TASP1: variants seen among roughly 807,000 people sequenced by gnomAD.
The protein encoded by TASP1 is threonine aspartase 1.
Under a neutral mutation model 56.6 loss-of-function variants are expected in TASP1, and 16 were observed. The observed-to-expected ratio is 0.28, with a 90% confidence interval of 0.19 to 0.43. The LOEUF (loss-of-function observed/expected upper bound fraction) is 0.43. TASP1 is among the 20% of genes least tolerant of loss of function. The pLI is 1.00. For synonymous variants in TASP1, 179 were observed against 184.2 expected, an observed-to-expected ratio of 0.97 and a Z score of 0.23; for missense variants, 393 against 511.6, an observed-to-expected ratio of 0.77 and a Z score of 2.24.
At chr20:13,264,492 C>T in the TASP1 span, among the ~76,000 whole-genome samples, 2 of 152,172 alleles carry the variant, frequency 1.3e-5, no homozygotes, top group African/African-American at 4.8e-5. Context: ...GCTTTATCTT[C>T]CTCCTATTGT....
At chr20:13,498,566 C>T (rs1433348992) in intron 10 of TASP1, among the ~76,000 whole-genome samples, 1 of 151,962 alleles carries the variant, frequency 6.6e-6, no homozygotes, top group Non-Finnish European at 1.5e-5. Context: ...ACCATGTTGG[C>T]CAAGCTGGTC....
the TASP1 span, among the ~76,000 whole-genome samples, chr20:13,288,925 C>T: frequency 6.6e-6 from 1 of 152,134 alleles, no homozygotes; most frequent in South Asian, 2.1e-4. Flanking sequence ...GCTGGGATTA[C>T]AGGCACATGC....
chr20:13,158,472 G>A, the TASP1 span, among the ~76,000 whole-genome samples: 2 of 152,100 alleles, frequency 1.3e-5, no homozygotes, highest in Non-Finnish European at 2.9e-5. Flanking sequence ...CAGTGAAAGC[G>A]GTCTTCTGGG....
chr20:13,418,303 G>A (rs2042328092), intron 12 of TASP1, among the ~76,000 whole-genome samples: 1 of 152,142 alleles, frequency 6.6e-6, no homozygotes, highest in African/African-American at 2.4e-5. Context: ...AATATAAAAT[G>A]AATCTGGAAC....
intron 4 of TASP1, among the ~76,000 whole-genome samples, chr20:13,611,158 T>C (rs548149216): frequency 1.3e-5 from 2 of 152,332 alleles, no homozygotes; most frequent in East Asian, 1.9e-4. Context: ...TTCTTATGTT[T>C]TCCATTAAGA....
At chr20:13,166,380 C>T in the TASP1 span, 1 of 152,358 alleles carries the variant, frequency 6.6e-6, no homozygotes, top group Non-Finnish European at 1.5e-5. Flanking sequence ...GAAATTATAA[C>T]TCCAAGTGGG....
chr20:13,307,662 G>A, the TASP1 span, among the ~76,000 whole-genome samples: 1 of 152,156 alleles, frequency 6.6e-6, no homozygotes, highest in Non-Finnish European at 1.5e-5. Flanking sequence ...GTCTGATTTT[G>A]ACCTTCGGGT....
intron 13 of TASP1, chr20:13,393,147 C>A (rs971469450): frequency 7.6e-6 from 5 of 659,932 alleles, no homozygotes; most frequent in East Asian, 6.5e-5. Context: ...CTGCTTAGCA[C>A]CCCTGGCCAA....
chr20:13,177,441 C>A, the TASP1 span, among the ~76,000 whole-genome samples: 1 of 151,994 alleles, frequency 6.6e-6, no homozygotes, highest in African/African-American at 2.4e-5. Flanking sequence ...CATAGAAGAT[C>A]CCAAATAGTG....
At chr20:13,576,381 GAAAGAAAGAAAGAA>G (rs1367251888) in intron 6 of TASP1, among the ~76,000 whole-genome samples, 22 of 149,502 alleles carry the variant, frequency 1.5e-4, no homozygotes, top group African/African-American at 5.5e-4. Flanking sequence ...AAGAAAGAAA[GAAAGAAAGAAAGAA>G]AGTCAGTCTT....
At chr20:13,173,707 A>G in the TASP1 span, among the ~76,000 whole-genome samples, 3 of 152,134 alleles carry the variant, frequency 2.0e-5, no homozygotes, top group Non-Finnish European at 4.4e-5. Flanking sequence ...TCTGCCTCTC[A>G]CATTGTCACA....
chr20:13,361,805 C>G, the TASP1 span, among the ~76,000 whole-genome samples: 10 of 152,172 alleles, frequency 6.6e-5, no homozygotes, highest in African/African-American at 2.4e-4. Context: ...CTGGTGCTAT[C>G]CCCAAACTGC....
chr20:13,455,680 A>G (rs948834681), intron 11 of TASP1, among the ~76,000 whole-genome samples: 1 of 152,136 alleles, frequency 6.6e-6, no homozygotes, highest in Non-Finnish European at 1.5e-5. Flanking sequence ...ATCAATTTGC[A>G]AGGAAAAAAA....
chr20:13,633,106 A>G (rs1278583321), intron 1 of TASP1, among the ~76,000 whole-genome samples: 3 of 152,306 alleles, frequency 2.0e-5, no homozygotes, highest in East Asian at 3.9e-4. Context: ...ATATAGCCCG[A>G]AAAATGTCTT....
At chr20:13,545,708 T>G (rs538866423) in intron 8 of TASP1, among the ~76,000 whole-genome samples, 1 of 152,256 alleles carries the variant, frequency 6.6e-6, no homozygotes, top group Admixed American at 6.5e-5. Flanking sequence ...CTCTTCTACT[T>G]GTCTACCTCT....
chr20:13,190,927 T>G, the TASP1 span, among the ~76,000 whole-genome samples: 1 of 151,650 alleles, frequency 6.6e-6, no homozygotes, highest in African/African-American at 2.4e-5. Flanking sequence ...AATGAGCAAA[T>G]TATCCAAACA....
the TASP1 span, chr20:13,270,837 T>G: frequency 8.1e-7 from 1 of 1,231,054 alleles, no homozygotes; most frequent in Non-Finnish European, 1.1e-6. Context: ...TACCTCACTT[T>G]TCTTCTTAAC....
intron 6 of TASP1, among the ~76,000 whole-genome samples, chr20:13,572,912 G>A (rs183723215): frequency 5.9e-5 from 9 of 152,154 alleles, no homozygotes; most frequent in East Asian, 1.9e-4. Context: ...TTCAGAAAGC[G>A]CTCAAGGATC....
At chr20:13,159,468 TG>T in the TASP1 span, among the ~76,000 whole-genome samples, 2 of 152,166 alleles carry the variant, frequency 1.3e-5, no homozygotes, top group African/African-American at 4.8e-5. Context: ...AATATTGGCT[TG>T]GGGTTGGATA....
Sources: allele counts gnomAD v4.1 joint callset (sites outside exome capture counted in the v4.1 genomes callset), GRCh38; gene constraint gnomAD v4.1.1; transcripts MANE v1.5; gene names NCBI Gene and HGNC (gene_info 2026-07-23, HGNC 2026-07-21).